Variants in HS3ST4 observed in about 807,000 individuals in gnomAD.
The protein encoded by HS3ST4 is heparan sulfate-glucosamine 3-sulfotransferase 4.
Under a neutral mutation model 29.2 loss-of-function variants are expected in HS3ST4, and 17 were observed. The observed-to-expected ratio is 0.58, with a 90% CI of 0.40 to 0.87. The LOEUF is 0.87. Ranked by LOEUF, HS3ST4 falls within the 40% of genes least tolerant of loss-of-function variation. HS3ST4 has a pLI of 0.00. For missense variants in HS3ST4, 627 were observed against 634.5 expected (o/e 0.99, Z 0.13); for synonymous variants, 314 against 285.7 (o/e 1.10, Z -1.00).
At chr16:25,823,921 A>G (rs1596582225) in intron 1 of HS3ST4, among the ~76,000 whole-genome samples, 1 of 152,202 alleles carries the variant, frequency 6.6e-6, no homozygotes, top group African/African-American at 2.4e-5. Flanking sequence ...GACTTAAATC[A>G]GAAAGTAATA....
chr16:25,925,291 G>A (rs1298651399), intron 1 of HS3ST4, among the ~76,000 whole-genome samples: 1 of 151,806 alleles, frequency 6.6e-6, no homozygotes, highest in East Asian at 1.9e-4. Flanking sequence ...GCAACATTAG[G>A]TCACAGACTC....
At chr16:25,933,139 A>G (rs1049081899) in intron 1 of HS3ST4, among the ~76,000 whole-genome samples, 1 of 152,030 alleles carries the variant, frequency 6.6e-6, no homozygotes, top group African/African-American at 2.4e-5. Context: ...GCTCTCCCTC[A>G]ATGCTGCTGT....
chr16:26,081,452 G>A (rs1898722894), intron 1 of HS3ST4, among the ~76,000 whole-genome samples: 1 of 152,182 alleles, frequency 6.6e-6, no homozygotes, highest in Middle Eastern at 3.2e-3. Flanking sequence ...TCTGTGAGGT[G>A]CTGAAGAGTC....
At chr16:26,093,571 A>G (rs1327625273) in intron 1 of HS3ST4, among the ~76,000 whole-genome samples, 2 of 152,182 alleles carry the variant, frequency 1.3e-5, no homozygotes, top group African/African-American at 2.4e-5. Context: ...CATCAACATC[A>G]ACAAAAAGGA....
intron 1 of HS3ST4, among the ~76,000 whole-genome samples, chr16:26,123,747 A>G (rs949287995): frequency 1.3e-5 from 2 of 152,208 alleles, no homozygotes; most frequent in African/African-American, 2.4e-5. Flanking sequence ...GCTCCCACTT[A>G]TAAGTGAGAA....
At chr16:26,095,703 A>G (rs1447985627) in intron 1 of HS3ST4, among the ~76,000 whole-genome samples, 1 of 152,252 alleles carries the variant, frequency 6.6e-6, no homozygotes, top group East Asian at 1.9e-4. Context: ...CACAATTAAA[A>G]GAACTAGAGA....
chr16:26,035,986 G>C (rs1036142498), intron 1 of HS3ST4, among the ~76,000 whole-genome samples: 9 of 152,164 alleles, frequency 5.9e-5, no homozygotes, highest in African/African-American at 2.2e-4. Context: ...ATACTGGGTA[G>C]GTAAAGACAG....
At chr16:25,789,255 T>G (rs1035251966) in intron 1 of HS3ST4, among the ~76,000 whole-genome samples, 2 of 151,964 alleles carry the variant, frequency 1.3e-5, no homozygotes, top group African/African-American at 4.8e-5. Context: ...CCAACTGGTC[T>G]TCTTCTTCCT....
intron 1 of HS3ST4, among the ~76,000 whole-genome samples, chr16:25,817,202 A>G (rs1392103444): frequency 5.3e-5 from 8 of 152,164 alleles, no homozygotes; most frequent in East Asian, 1.9e-4. Context: ...TACTTGCCCA[A>G]TGGGGCTGTT....
intron 1 of HS3ST4, among the ~76,000 whole-genome samples, chr16:25,743,138 G>T (rs1023661403): frequency 1.3e-5 from 2 of 152,194 alleles, no homozygotes; most frequent in Non-Finnish European, 2.9e-5. Flanking sequence ...GGGAAACCTT[G>T]CATGTTTCAG....
chr16:25,823,054 A>T (rs575790310), intron 1 of HS3ST4, among the ~76,000 whole-genome samples: 2 of 152,224 alleles, frequency 1.3e-5, no homozygotes, highest in East Asian at 3.9e-4. Context: ...ATTACTTTTA[A>T]TAACAGCATC....
At chr16:25,834,520 G>T (rs1265134329) in intron 1 of HS3ST4, among the ~76,000 whole-genome samples, 1 of 152,200 alleles carries the variant, frequency 6.6e-6, no homozygotes, top group Non-Finnish European at 1.5e-5. Flanking sequence ...AATCAATGTT[G>T]AGAGATGAAA....
In HS3ST4 at chr16:25,833,275, A is replaced by C. The variant is rs530224986; in HGVS notation, c.734+140124A>C. 5.9e-5 allele frequency among the ~76,000 whole-genome samples: 9 copies of C among 152,278 alleles called. No homozygotes were observed. In the South Asian group the frequency reaches 1.9e-3, roughly 32 times the overall value. On this transcript the variant is annotated intron_variant, in intron 1 of 1. Transcript: ENST00000331351. ...GGAAGAAGGGAAATGACTGATATTGATCAATTGGAAAAAGAAAGAAATCTT... is the reference window on the plus strand; with the variant it reads ...GGAAGAAGGGAAATGACTGATATTGCTCAATTGGAAAAAGAAAGAAATCTT...
At chr16:26,034,025 A>G (rs1314012524) in intron 1 of HS3ST4, among the ~76,000 whole-genome samples, 2 of 152,218 alleles carry the variant, frequency 1.3e-5, no homozygotes, top group South Asian at 2.1e-4. Context: ...CCCAAATTCC[A>G]TGATCAGGTT....
At position 26,123,053 on chromosome 16, in the gene HS3ST4, C is replaced by CAA. The variant is rs111948307; in HGVS notation, c.735-12546_735-12545dup. 5.8e-3 allele frequency among the ~76,000 whole-genome samples: 707 copies of CAA among 122,402 alleles called. 5 individuals carry two copies. The highest frequency in any genetic ancestry group is 9.7e-3 in the Non-Finnish European group (541 of 56,058). The allele number at this position is 122,402 out of a possible 152,430, so 80.3% of individuals were successfully genotyped here. ...TGGGTGATAGAGTGAGACTCTGTCT[C>CAA]AAAAAAAAAAAAAACCGGGGGCTTG... On this transcript the variant is annotated intron_variant, in intron 1 of 1. Transcript: ENST00000331351.
intron 1 of HS3ST4, among the ~76,000 whole-genome samples, chr16:25,917,212 T>G (rs1464397306): frequency 6.6e-6 from 1 of 152,090 alleles, no homozygotes. Context: ...TTCTATTTTT[T>G]GTTTGTTTGA....
chr16:26,029,841 G>T (rs910190988), intron 1 of HS3ST4, among the ~76,000 whole-genome samples: 2 of 152,158 alleles, frequency 1.3e-5, no homozygotes, highest in Non-Finnish European at 2.9e-5. Context: ...ATTTCCACAC[G>T]CAGTGTCAAA....
At chr16:25,990,872 A>G (rs1969107867) in intron 1 of HS3ST4, among the ~76,000 whole-genome samples, 1 of 152,206 alleles carries the variant, frequency 6.6e-6, no homozygotes, top group African/African-American at 2.4e-5. Flanking sequence ...AAAGGCATTC[A>G]TTGTGATGAC....
chr16:26,109,723 T>TC (rs1899102798), intron 1 of HS3ST4, among the ~76,000 whole-genome samples: 1 of 152,068 alleles, frequency 6.6e-6, no homozygotes, highest in South Asian at 2.1e-4. Context: ...TCACTGTTTT[T>TC]TTTTTTTTCT....
Sources: allele counts gnomAD v4.1 joint callset (sites outside exome capture counted in the v4.1 genomes callset), GRCh38; gene constraint gnomAD v4.1.1; transcripts MANE v1.5; gene names NCBI Gene and HGNC (gene_info 2026-07-23, HGNC 2026-07-21).